Variants in TBC1D5 observed in about 807,000 individuals in gnomAD.
TBC1D5 encodes the protein TBC1 domain family, member 5.
TBC1D5 carries 75 observed loss-of-function variants against 100.3 expected under a neutral mutation model. That is an observed-to-expected ratio of 0.75 (90% CI 0.62 to 0.91). TBC1D5 has a LOEUF of 0.91. Ranked by LOEUF, TBC1D5 falls within the 40% of genes least tolerant of loss-of-function variation. The probability of loss-of-function intolerance (pLI) is 0.00; values close to 1 mark genes in which losing one functional copy is unlikely to be tolerated. For synonymous variants in TBC1D5, 323 were observed against 325.6 expected, an observed-to-expected ratio of 0.99 and a Z score of 0.09; for missense variants, 910 against 942.4, an observed-to-expected ratio of 0.97 and a Z score of 0.45.
intron 3 of TBC1D5, among the ~76,000 whole-genome samples, chr3:17,505,833 T>C (rs2095839149): frequency 1.3e-5 from 2 of 152,214 alleles, no homozygotes; most frequent in South Asian, 4.1e-4. Flanking sequence ...TGGTAATTAA[T>C]GTAAACTAAA....
Position 17,548,890 on chromosome 3 carries a change from A to T in TBC1D5, c.-35-40285T>A, listed in dbSNP as rs192347436. 1.2e-3 allele frequency among the ~76,000 whole-genome samples: 187 copies of T among 152,336 alleles called. No homozygotes were observed. In the Middle Eastern group the frequency reaches 0.014, roughly 11 times the overall value. Reference sequence around the variant, plus strand: ...ATTATAAGGTAAGGTACCCCTAAGGAGGTAGCACTCTCCAAATACCTTTAA... The same window carrying T: ...ATTATAAGGTAAGGTACCCCTAAGGTGGTAGCACTCTCCAAATACCTTTAA... On this transcript the variant is annotated intron_variant, in intron 2 of 21. Transcript: ENST00000253692.
chr3:17,645,099 C>A (rs1459707339), intron 1 of TBC1D5, among the ~76,000 whole-genome samples: 1 of 152,002 alleles, frequency 6.6e-6, no homozygotes, highest in Non-Finnish European at 1.5e-5. Context: ...TGCATATTCT[C>A]TGAAGATAAA....
chr3:17,229,337 T>C (rs895395838), intron 17 of TBC1D5, among the ~76,000 whole-genome samples: 3 of 152,146 alleles, frequency 2.0e-5, no homozygotes, highest in African/African-American at 7.2e-5. Flanking sequence ...ATGAAAGACA[T>C]GCATCTTGCT....
intron 3 of TBC1D5, among the ~76,000 whole-genome samples, chr3:17,455,468 G>GTGTATATATA (rs1329810362): frequency 1.7e-4 from 25 of 145,896 alleles, no homozygotes; most frequent in Middle Eastern, 3.6e-3. Flanking sequence ...GTATATATAT[G>GTGTATATATA]TGTATATATA....
chr3:17,481,481 G>C (rs1318020737), intron 3 of TBC1D5, among the ~76,000 whole-genome samples: 1 of 152,210 alleles, frequency 6.6e-6, no homozygotes, highest in Admixed American at 6.5e-5. Flanking sequence ...ACTTAAGCCT[G>C]TGAAGTAGAG....
At chr3:17,436,109 TA>T (rs2094531146) in intron 3 of TBC1D5, among the ~76,000 whole-genome samples, 1 of 152,194 alleles carries the variant, frequency 6.6e-6, no homozygotes, top group Non-Finnish European at 1.5e-5. Flanking sequence ...ACTGAATTGG[TA>T]AAATTAAACT....
chr3:17,375,186 T>C (rs2092655146), intron 10 of TBC1D5, among the ~76,000 whole-genome samples: 1 of 152,140 alleles, frequency 6.6e-6, no homozygotes, highest in Non-Finnish European at 1.5e-5. Flanking sequence ...TAAAAGCTAT[T>C]TTCAATCACC....
rs2066021121 is a variant in TBC1D5 at position 17,161,270 on chromosome 3, TCA to T, written c.2095-16_2095-15del. ...TTCTGAAGAGGCCTGTGAAGTACAGTCAGAAGTACAGGTGGATGAAAGAAGAA... is the reference window on the plus strand; with the variant it reads ...TTCTGAAGAGGCCTGTGAAGTACAGTGAAGTACAGGTGGATGAAAGAAGAA... On this transcript the variant is annotated splice_polypyrimidine_tract_variant and intron_variant, in intron 21 of 21. Coordinates refer to ENST00000253692, the Ensembl canonical transcript of TBC1D5. The T allele has an allele frequency of 6.3e-7, 1 of 1,597,334 alleles. No homozygotes were observed. Among genetic ancestry groups the T allele is most frequent in the Admixed American group, 1.7e-5 (1 of 58,898 alleles).
chr3:17,184,321 T>TA (rs1375384045), intron 19 of TBC1D5, among the ~76,000 whole-genome samples: 2 of 152,150 alleles, frequency 1.3e-5, no homozygotes, highest in African/African-American at 4.8e-5. Flanking sequence ...GGCAGGTGGT[T>TA]AAAAAACACA....
Position 17,291,889 on chromosome 3 carries a change from G to A in TBC1D5, c.1245+6C>T. On this transcript the variant is annotated splice_donor_region_variant and intron_variant, in intron 15 of 21. Coordinates refer to ENST00000253692, the Ensembl canonical transcript of TBC1D5. Reference sequence around the variant, plus strand: ...AAATTATGCATACCCTACTGGGGAAGCTTACCTTTGGATCTCTAAGGAACA... The same window carrying A: ...AAATTATGCATACCCTACTGGGGAAACTTACCTTTGGATCTCTAAGGAACA... 3 of 1,611,584 alleles carry A rather than the reference G, an allele frequency of 1.9e-6. No individual in the cohort carries two copies. The highest frequency in any genetic ancestry group is 2.5e-6 in the Non-Finnish European group (3 of 1,178,560).
intron 18 of TBC1D5, among the ~76,000 whole-genome samples, chr3:17,190,426 G>C (rs1278033965): frequency 1.3e-5 from 2 of 152,138 alleles, no homozygotes; most frequent in Non-Finnish European, 2.9e-5. Flanking sequence ...GGAGAGTCTT[G>C]GCTTAGACAA....
chr3:17,315,996 G>A (rs1456585831), intron 13 of TBC1D5, among the ~76,000 whole-genome samples: 1 of 152,126 alleles, frequency 6.6e-6, no homozygotes, highest in Non-Finnish European at 1.5e-5. Flanking sequence ...CAGAAAGTAG[G>A]GCAAAAATAG....
chr3:17,608,006 C>G (rs188504127), intron 2 of TBC1D5, among the ~76,000 whole-genome samples: 2 of 152,242 alleles, frequency 1.3e-5, no homozygotes, highest in Non-Finnish European at 2.9e-5. Context: ...CTACAGGAAA[C>G]ATAATACACA....
chr3:17,277,949 A>G (rs1050866167), intron 15 of TBC1D5, among the ~76,000 whole-genome samples: 1 of 152,246 alleles, frequency 6.6e-6, no homozygotes, highest in Non-Finnish European at 1.5e-5. Context: ...AAATTACAAA[A>G]TACAGAATAG....
intron 2 of TBC1D5, among the ~76,000 whole-genome samples, chr3:17,592,184 T>G (rs1361176422): frequency 6.6e-6 from 1 of 152,232 alleles, no homozygotes; most frequent in African/African-American, 2.4e-5. Flanking sequence ...CCTGATATAC[T>G]CAGGGGTATA....
rs193301972 is a variant in TBC1D5 at position 17,622,979 on chromosome 3, A to G, written c.-36+870T>C. ...ATTGCTTAAAGACCAAAAGCCTATGAGCTCTAAATTAACTGTCTGTCTACT... is the reference window on the plus strand; with the variant it reads ...ATTGCTTAAAGACCAAAAGCCTATGGGCTCTAAATTAACTGTCTGTCTACT... On this transcript the variant is annotated intron_variant, in intron 2 of 21. Transcript: ENST00000253692. Among the ~76,000 whole-genome samples, 4 of 152,320 alleles carry G rather than the reference A, an allele frequency of 2.6e-5. No homozygotes were observed. In the East Asian group the frequency reaches 7.7e-4, roughly 29 times the overall value.
chr3:17,225,799 G>A (rs1000803965), intron 17 of TBC1D5, among the ~76,000 whole-genome samples: 1 of 152,070 alleles, frequency 6.6e-6, no homozygotes, highest in Admixed American at 6.6e-5. Flanking sequence ...TGCCATGATT[G>A]CACCACTGTA....
chr3:17,716,478 G>A (rs1317187256), intron 1 of TBC1D5, among the ~76,000 whole-genome samples: 2 of 151,676 alleles, frequency 1.3e-5, no homozygotes, highest in African/African-American at 2.4e-5. Context: ...TCCTGTCAGC[G>A]ACTTATCATT....
chr3:17,597,123 T>C (rs1347290808), intron 2 of TBC1D5, among the ~76,000 whole-genome samples: 1 of 152,216 alleles, frequency 6.6e-6, no homozygotes, highest in East Asian at 1.9e-4. Flanking sequence ...TTTTAAATTA[T>C]TGCGTAGTAT....
Sources: allele counts gnomAD v4.1 joint callset (sites outside exome capture counted in the v4.1 genomes callset), GRCh38; gene constraint gnomAD v4.1.1; transcripts MANE v1.5; gene names NCBI Gene and HGNC (gene_info 2026-07-23, HGNC 2026-07-21).